TBCA: variants seen among roughly 807,000 people sequenced by gnomAD.
TBCA encodes the protein tubulin folding cofactor A, also known as tubulin-specific chaperone A.
A neutral mutation model predicts 15.8 loss-of-function variants in TBCA; 6 were observed. The ratio of observed to expected loss-of-function variants is 0.38; its 90% CI spans 0.21 to 0.75. The LOEUF is 0.75. Among genes scored for constraint, TBCA ranks in the 30% least tolerant of loss-of-function variants. The probability of loss-of-function intolerance (pLI) is 0.46; values close to 1 mark genes in which losing one functional copy is unlikely to be tolerated. For synonymous variants in TBCA, 32 were observed against 42.3 expected (o/e 0.76, Z 0.94); for missense variants, 90 against 131.2 (o/e 0.69, Z 1.53).
At chr5:77,769,367 T>C (rs955785743) in intron 1 of TBCA, among the ~76,000 whole-genome samples, 1 of 152,218 alleles carries the variant, frequency 6.6e-6, no homozygotes, top group Non-Finnish European at 1.5e-5. Context: ...GACTATGTTC[T>C]TAACCTATCC....
chr5:77,757,601 G>A (rs1747505952), intron 1 of TBCA, among the ~76,000 whole-genome samples: 1 of 152,214 alleles, frequency 6.6e-6, no homozygotes, highest in African/African-American at 2.4e-5. Context: ...TCAGCCAATT[G>A]TCCTGTTGGT....
rs143685579 is a variant in TBCA at position 77,743,663 on chromosome 5, G to C, written c.53+32542C>G. On this transcript the variant is annotated intron_variant, in intron 1 of 3. Coordinates refer to ENST00000380377, the MANE Select transcript of TBCA (RefSeq NM_004607.3). ...GCTGGCAGCAGCTCATGGGGTGCAA[G>C]ACCTTGGGACAAATGTAGCAATGGG... Among the ~76,000 whole-genome samples the C allele has an allele frequency of 2.2e-3, 335 of 152,294 alleles. 1 individual carries two copies. The highest frequency in any genetic ancestry group is 7.7e-3 in the African/African-American group (320 of 41,574).
chr5:77,718,671 A>T (rs1303098540), intron 1 of TBCA, among the ~76,000 whole-genome samples: 1 of 152,212 alleles, frequency 6.6e-6, no homozygotes, highest in East Asian at 1.9e-4. Context: ...AAACTTGAGA[A>T]TTATAGTTAA....
At chr5:77,764,059 C>T (rs180795679) in intron 1 of TBCA, among the ~76,000 whole-genome samples, 2 of 152,142 alleles carry the variant, frequency 1.3e-5, no homozygotes, top group African/African-American at 4.8e-5. Context: ...ATGTACTGCA[C>T]CTAAGAGTAA....
intron 1 of TBCA, among the ~76,000 whole-genome samples, chr5:77,737,625 C>T (rs912320650): frequency 7.9e-5 from 12 of 152,064 alleles, no homozygotes; most frequent in East Asian, 1.9e-4. Flanking sequence ...GATGATCCCT[C>T]GGGTATGCTG....
intron 1 of TBCA, among the ~76,000 whole-genome samples, chr5:77,772,720 G>T (rs1747942461): frequency 6.6e-6 from 1 of 152,066 alleles, no homozygotes; most frequent in Non-Finnish European, 1.5e-5. Context: ...CAACAGAAAA[G>T]TCATTTTAAA....
Position 77,708,329 on chromosome 5 carries a change from C to T in TBCA, c.72G>A (p.Val24=). The T allele has an allele frequency of 6.2e-7, 1 of 1,609,400 alleles. No homozygotes were observed. Among genetic ancestry groups the T allele is most frequent in the Non-Finnish European group, 8.5e-7 (1 of 1,177,420 alleles). Residue 24 remains valine, a synonymous_variant, in exon 2 of 4, where the codon GTG becomes GTA. Coordinates refer to ENST00000380377, the MANE Select transcript of TBCA (RefSeq NM_004607.3). ...GVVKRLVKEK[V]MYEKEAKQQE... ...GTTGTTTTGCCTCTTTTTCATACAT[C>T]ACTTTTTCTTTGACCAACCTATAAA...
intron 1 of TBCA, among the ~76,000 whole-genome samples, chr5:77,756,398 C>T (rs1747478170): frequency 2.0e-5 from 3 of 152,290 alleles, no homozygotes; most frequent in South Asian, 4.1e-4. Context: ...ATTGGGCTCC[C>T]GGTCACTCAG....
chr5:77,693,136 A>C lies in TBCA; in HGVS notation c.246+130T>G, dbSNP rs759405376. 2.0e-6 allele frequency: 3 copies of C among 1,513,296 alleles called. No individual in the cohort carries two copies. In the South Asian group the frequency reaches 3.8e-5, roughly 19 times the overall value. The allele number at this position is 1,513,296 out of a possible 1,614,324, so 93.7% of individuals were successfully genotyped here. A position where few individuals can be genotyped will look rare whatever the true frequency, so the allele number is the denominator to read the frequency against. On this transcript the variant is annotated intron_variant, in intron 3 of 3. Coordinates refer to ENST00000380377, the MANE Select transcript of TBCA (RefSeq NM_004607.3). ...AACTCCATTAATTATTTTAAAATAT[A>C]GCGGTATAAAGGGCAAGTGAATAAG...
intron 1 of TBCA, among the ~76,000 whole-genome samples, chr5:77,753,247 C>T (rs1329977895): frequency 6.6e-6 from 1 of 152,158 alleles, no homozygotes; most frequent in Admixed American, 6.5e-5. Flanking sequence ...CCAAAGATTA[C>T]CAAAGTCATG....
chr5:77,712,532 T>C (rs1746303118), intron 1 of TBCA, among the ~76,000 whole-genome samples: 1 of 152,142 alleles, frequency 6.6e-6, no homozygotes, highest in Non-Finnish European at 1.5e-5. Flanking sequence ...TGTATTAAGA[T>C]ATTTTTCTGT....
At chr5:77,737,310 C>T (rs543492972) in intron 1 of TBCA, among the ~76,000 whole-genome samples, 16 of 152,248 alleles carry the variant, frequency 1.1e-4, no homozygotes, top group African/African-American at 3.6e-4. Flanking sequence ...CTTACTGAAA[C>T]GAAAGGCTTG....
chr5:77,722,648 A>G (rs903712093), intron 1 of TBCA, among the ~76,000 whole-genome samples: 1 of 151,954 alleles, frequency 6.6e-6, no homozygotes, highest in Non-Finnish European at 1.5e-5. Flanking sequence ...AGCACAGAAC[A>G]CTTTTTCAAC....
chr5:77,744,531 C>CTTTTTTTTTTTTT (rs70991305), intron 1 of TBCA, among the ~76,000 whole-genome samples: 5 of 82,968 alleles, frequency 6.0e-5, no homozygotes, highest in African/African-American at 1.0e-4. Context: ...TCTTATTCAC[C>CTTTTTTTTTTTTT]TTTTTTTTTT....
rs765010568 is a variant in TBCA at position 77,691,449 on chromosome 5, A to G, written c.296T>C (p.Leu99Ser). 1.3e-6 allele frequency: 2 copies of G among 1,597,246 alleles called. No individual in the cohort carries two copies. The highest frequency in any genetic ancestry group is 2.2e-5 in the East Asian group (1 of 44,566). The change falls in exon 4 of 4, where the codon TTA becomes TCA. Residue 99 changes from leucine (L) to serine (S), a missense_variant. By Grantham distance (145) the Leu-to-Ser change is moderately radical (BLOSUM62 -2). Coordinates refer to ENST00000380377, the MANE Select transcript of TBCA (RefSeq NM_004607.3). ...EEAEEYKEAR[L>S]VLDSVKLEA ...TTCTAACTTCACTGAATCCAGTACT[A>G]AACGTGCTTCTTTATATTCCTCAGC...
rs923511972 is a variant in TBCA, at chr5:77,776,180, C to G, written c.53+25G>C. ...GCCATGAGGTGACGAAGAGGAGGTG[C>G]AGGGCGCCGCTCCCGGCTCCTTACC... On this transcript the variant is annotated intron_variant, in intron 1 of 3. Transcript: ENST00000380377. The G allele has an allele frequency of 7.1e-6, 11 of 1,553,788 alleles. No homozygotes were observed. In the Admixed American group the frequency reaches 2.1e-4, roughly 30 times the overall value.
At chr5:77,707,532 A>G (rs938868111) in intron 2 of TBCA, among the ~76,000 whole-genome samples, 1 of 152,138 alleles carries the variant, frequency 6.6e-6, no homozygotes, top group African/African-American at 2.4e-5. Flanking sequence ...GCTATAAGGC[A>G]CCTAAGAGGT....
chr5:77,734,208 C>A (rs1746841471), intron 1 of TBCA, among the ~76,000 whole-genome samples: 1 of 152,232 alleles, frequency 6.6e-6, no homozygotes, highest in Non-Finnish European at 1.5e-5. Flanking sequence ...TCTGCTAATA[C>A]AACACCCATT....
intron 2 of TBCA, among the ~76,000 whole-genome samples, chr5:77,693,799 CA>C (rs70991303): frequency 4.4e-4 from 34 of 77,952 alleles, no homozygotes; most frequent in African/African-American, 1.1e-3. Context: ...AACTCCATCT[CA>C]AAAAAAAAAA....
Sources: gnomAD v4.1 joint callset for allele counts (sites outside exome capture counted in the v4.1 genomes callset) on GRCh38, gnomAD v4.1.1 for gene constraint, MANE v1.5 for transcripts, NCBI Gene and HGNC (gene_info 2026-07-23, HGNC 2026-07-21) for gene names.